Variants in TMEM132B observed in about 807,000 individuals in gnomAD.
TMEM132B encodes the protein transmembrane protein 132B.
Under a neutral mutation model 90.8 loss-of-function variants are expected in TMEM132B, and 18 were observed. That is an observed-to-expected ratio of 0.20 (90% confidence interval 0.14 to 0.29). TMEM132B has a LOEUF of 0.29. Ranked by LOEUF, TMEM132B falls within the 10% of genes least tolerant of loss-of-function variation. The probability of loss-of-function intolerance (pLI) is 1.00; values close to 1 mark genes in which losing one functional copy is unlikely to be tolerated. For missense variants in TMEM132B, 1,096 were observed against 1,326.8 expected, an observed-to-expected ratio of 0.83 and a Z score of 2.70; for synonymous variants, 504 against 523.3, an observed-to-expected ratio of 0.96 and a Z score of 0.50.
intron 1 of TMEM132B, among the ~76,000 whole-genome samples, chr12:125,335,871 C>T (rs1876939547): frequency 6.6e-6 from 1 of 152,066 alleles, no homozygotes; most frequent in South Asian, 2.1e-4. Context: ...CCTGTAATCC[C>T]AGCTACTTGG....
chr12:125,497,503 GA>G (rs1434524439), intron 3 of TMEM132B, among the ~76,000 whole-genome samples: 1 of 152,140 alleles, frequency 6.6e-6, no homozygotes, highest in Non-Finnish European at 1.5e-5. Context: ...AAAAGTTGTG[GA>G]CTGTTGAAAA....
intron 2 of TMEM132B, among the ~76,000 whole-genome samples, chr12:125,379,811 G>T (rs539525268): frequency 3.7e-4 from 57 of 152,188 alleles, no homozygotes; most frequent in Admixed American, 5.2e-4. Context: ...CCAGAGCTGA[G>T]ATTTTCCATC....
chr12:125,579,851 G>GT (rs1044510032), intron 4 of TMEM132B, among the ~76,000 whole-genome samples: 4 of 151,984 alleles, frequency 2.6e-5, no homozygotes, highest in Non-Finnish European at 5.9e-5. Flanking sequence ...TGTCTCATAA[G>GT]TTTTTTTTCA....
At chr12:125,559,354 G>A (rs1395573251) in intron 4 of TMEM132B, among the ~76,000 whole-genome samples, 2 of 152,154 alleles carry the variant, frequency 1.3e-5, no homozygotes, top group Non-Finnish European at 2.9e-5. Flanking sequence ...GACAGAGTGA[G>A]ACCTCGTCTT....
chr12:125,399,151 A>G (rs531112452), intron 2 of TMEM132B, among the ~76,000 whole-genome samples: 1 of 152,332 alleles, frequency 6.6e-6, no homozygotes, highest in African/African-American at 2.4e-5. Flanking sequence ...TTATAAACCT[A>G]ATGTGGTCAT....
At chr12:125,623,021 G>A (rs925030491) in intron 5 of TMEM132B, among the ~76,000 whole-genome samples, 4 of 152,248 alleles carry the variant, frequency 2.6e-5, no homozygotes, top group African/African-American at 7.2e-5. Flanking sequence ...ACCTAAGCTT[G>A]TGGCTTGAGC....
At chr12:125,299,758 A>G (rs1447876282) in intron 1 of TMEM132B, among the ~76,000 whole-genome samples, 1 of 152,054 alleles carries the variant, frequency 6.6e-6, no homozygotes, top group Non-Finnish European at 1.5e-5. Flanking sequence ...CTCTTCCTCC[A>G]AAGGATGCCC....
chr12:125,377,310 A>G (rs1279698527), intron 2 of TMEM132B, among the ~76,000 whole-genome samples: 2 of 152,226 alleles, frequency 1.3e-5, no homozygotes, highest in Admixed American at 1.3e-4. Flanking sequence ...CAGCTGAACC[A>G]AGGGGAGACC....
At chr12:125,558,243 G>T (rs539767333) in intron 4 of TMEM132B, among the ~76,000 whole-genome samples, 8 of 152,106 alleles carry the variant, frequency 5.3e-5, no homozygotes, top group Non-Finnish European at 8.8e-5. Context: ...TGTTTGCTCT[G>T]CCCTGCCATC....
intron 1 of TMEM132B, among the ~76,000 whole-genome samples, chr12:125,228,602 G>T (rs1447802529): frequency 6.6e-6 from 1 of 152,238 alleles, no homozygotes; most frequent in African/African-American, 2.4e-5. Context: ...AGCTGGACCT[G>T]TTCAGGCTTG....
intron 1 of TMEM132B, among the ~76,000 whole-genome samples, chr12:125,193,983 C>G (rs1565972427): frequency 6.6e-6 from 1 of 152,194 alleles, no homozygotes; most frequent in Non-Finnish European, 1.5e-5. Flanking sequence ...AATGGACTCT[C>G]AATGCCCATT....
intron 2 of TMEM132B, among the ~76,000 whole-genome samples, chr12:125,409,538 G>T (rs1438264927): frequency 6.6e-6 from 1 of 152,166 alleles, no homozygotes; most frequent in East Asian, 1.9e-4. Flanking sequence ...TCAGTGCCAA[G>T]TGGGGTGCTT....
chr12:125,337,523 G>A (rs1877008801), intron 1 of TMEM132B, among the ~76,000 whole-genome samples: 1 of 152,120 alleles, frequency 6.6e-6, no homozygotes, highest in Admixed American at 6.5e-5. Context: ...TCTCTTTCAA[G>A]AAGAAGTCTT....
rs1302344995 is a variant in TMEM132B, at chr12:125,432,431, ATATATATGTATGTG to A, written c.1106+16762_1106+16775del. On this transcript the variant is annotated intron_variant, in intron 3 of 8. Transcript: ENST00000682704. The stretch of plus-strand genomic sequence containing the variant: ...TGTGTATATATATATATGTATGTGT[ATATATATGTATGTG>A]TATATATATGTATGTGTATATATAT... 1.1e-3 allele frequency among the ~76,000 whole-genome samples: 114 copies of A among 101,716 alleles called. 16 individuals are homozygous for A. Among genetic ancestry groups the A allele is most frequent in the Middle Eastern group, 5.1e-3 (1 of 196 alleles). The allele number at this position is 101,716 out of a possible 152,430, so 66.7% of individuals were successfully genotyped here.
chr12:125,536,662 C>T (rs150721882), intron 4 of TMEM132B, among the ~76,000 whole-genome samples: 1 of 152,296 alleles, frequency 6.6e-6, no homozygotes, highest in African/African-American at 2.4e-5. Context: ...CTAAAGACAC[C>T]TTCTTTACCA....
intron 1 of TMEM132B, among the ~76,000 whole-genome samples, chr12:125,347,871 G>T (rs1359751019): frequency 1.3e-5 from 2 of 152,166 alleles, no homozygotes; most frequent in Non-Finnish European, 2.9e-5. Context: ...ACACATACAT[G>T]TATGTACTCA....
At position 125,490,806 on chromosome 12, in the gene TMEM132B, A is replaced by C. The variant is rs187238639; in HGVS notation, c.1107-28633A>C. ...GAGTGTAGGCAGGACTTAGTGACTT[A>C]CTTCTGTAAAGTACTCTATGGTGAA... On this transcript the variant is annotated intron_variant, in intron 3 of 8. Transcript: ENST00000682704. This position sits in a 1 kb window ranked among gnomAD's most constrained non-coding sequence, Gnocchi z 4.2. Among the ~76,000 whole-genome samples, 8 of 152,298 alleles carry C rather than the reference A, an allele frequency of 5.3e-5. No individual in the cohort carries two copies. The East Asian group carries it at 1.3e-3, about 26-fold the overall frequency.
intron 1 of TMEM132B, among the ~76,000 whole-genome samples, chr12:125,331,495 C>T (rs1876770840): frequency 6.6e-6 from 1 of 152,166 alleles, no homozygotes. Flanking sequence ...AAAAGCAGCA[C>T]ATGAGCCCTT....
intron 1 of TMEM132B, among the ~76,000 whole-genome samples, chr12:125,272,832 GCACTTC>G (rs1352302438): frequency 6.6e-6 from 1 of 152,162 alleles, no homozygotes; most frequent in Non-Finnish European, 1.5e-5. Context: ...ACAGATGTTG[GCACTTC>G]CACTTCCAGA....
Sources: allele counts gnomAD v4.1 joint callset (sites outside exome capture counted in the v4.1 genomes callset), GRCh38; gene constraint gnomAD v4.1.1; non-coding constraint Gnocchi (gnomAD v3.1); transcripts MANE v1.5; gene names NCBI Gene and HGNC (gene_info 2026-07-23, HGNC 2026-07-21).